Variants in BST1 observed in about 807,000 individuals in gnomAD.
BST1 encodes ADP-ribosyl cyclase/cyclic ADP-ribose hydrolase 2.
BST1 carries 49 observed loss-of-function variants against 40.6 expected under a neutral mutation model. That is an observed-to-expected ratio of 1.21 (90% CI 0.96 to 1.53). BST1 has a LOEUF of 1.53. BST1 is among the 40% of genes most tolerant of loss of function. The pLI, the probability that BST1 is intolerant of heterozygous loss-of-function variation, is 0.00. For synonymous variants in BST1, 157 were observed against 159.3 expected (o/e 0.99, Z 0.11); for missense variants, 423 against 395.9 (o/e 1.07, Z -0.58).
chr4:15,718,906 G>C lies in BST1; in HGVS notation c.705-1G>C. 1 of 1,613,382 alleles carries C rather than the reference G, an allele frequency of 6.2e-7. No homozygotes were observed. Among genetic ancestry groups the C allele is most frequent in the African/African-American group, 1.3e-5 (1 of 74,980 alleles). On this transcript the variant is annotated splice_acceptor_variant, in intron 6 of 8. Coordinates refer to ENST00000265016, the MANE Select transcript of BST1 (RefSeq NM_004334.3). LOFTEE classifies it high-confidence loss of function. ...TTTAATTATATATTTTCATGTTTTA[G>C]GGAATCCTGCGGGGAAGGCAGCATG...
chr4:15,739,571 G>GTGTA (rs1414492943), downstream of BST1, among the ~76,000 whole-genome samples: 1 of 147,602 alleles, frequency 6.8e-6, no homozygotes, highest in Non-Finnish European at 1.5e-5. Flanking sequence ...GTGTGTGTGT[G>GTGTA]TGTGTGTGTG....
At chr4:15,767,085 C>T in the BST1 span, among the ~76,000 whole-genome samples, 2 of 151,740 alleles carry the variant, frequency 1.3e-5, no homozygotes, top group Middle Eastern at 3.2e-3. Context: ...CCTCCAAAGC[C>T]AGAGCCGAAG....
At chr4:15,716,987 G>C (rs1164816968) in intron 6 of BST1, among the ~76,000 whole-genome samples, 3 of 152,012 alleles carry the variant, frequency 2.0e-5, no homozygotes, top group Admixed American at 1.3e-4. Context: ...ATGTTGGCCA[G>C]GCTGGTCTTG....
chr4:15,756,206 G>T, the BST1 span, among the ~76,000 whole-genome samples: 3 of 152,242 alleles, frequency 2.0e-5, no homozygotes, highest in African/African-American at 4.8e-5. Flanking sequence ...TGCAGGGTGG[G>T]TTGGGGGAAG....
the BST1 span, among the ~76,000 whole-genome samples, chr4:15,756,150 A>C: frequency 1.3e-5 from 2 of 152,228 alleles, no homozygotes; most frequent in African/African-American, 4.8e-5. Context: ...AAACAACAAC[A>C]AAACAAGGGG....
the BST1 span, among the ~76,000 whole-genome samples, chr4:15,768,174 A>ATGC: frequency 1.3e-5 from 2 of 152,226 alleles, no homozygotes; most frequent in Non-Finnish European, 2.9e-5. Flanking sequence ...TGCCACTGAG[A>ATGC]TGCTGCCCCT....
At chr4:15,720,795 TAAAAC>T (rs1720768763) in intron 7 of BST1, among the ~76,000 whole-genome samples, 1 of 151,768 alleles carries the variant, frequency 6.6e-6, no homozygotes, top group Non-Finnish European at 1.5e-5. Context: ...GGTCTCAAAA[TAAAAC>T]AAAGTAAACC....
At chr4:15,720,331 A>G (rs1720741481) in intron 7 of BST1, among the ~76,000 whole-genome samples, 1 of 152,056 alleles carries the variant, frequency 6.6e-6, no homozygotes, top group South Asian at 2.1e-4. Context: ...AAAACATTCA[A>G]TTCTTGGCCG....
exon 7 of BST1, chr4:15,737,922 T>A: frequency 1.4e-6 from 1 of 719,548 alleles, no homozygotes; most frequent in Non-Finnish European, 2.1e-6. Context: ...CATGCCTGCC[T>A]AGTCCAGCTC....
In BST1 at chr4:15,707,636, A is replaced by T; in HGVS notation, c.441A>T (p.Lys147Asn). The change falls in exon 3 of 9, where the codon AAA (lysine) becomes AAT (asparagine). Residue 147 changes from lysine (K) to asparagine (N), a missense_variant. Lys to Asn is a moderately conservative substitution (Grantham distance 94, BLOSUM62 0). Coordinates refer to ENST00000265016, the MANE Select transcript of BST1 (RefSeq NM_004334.3). ...VADFLSWCRQ[K>N]NDSGLDYQSC... ...ATTTCTTGAGCTGGTGTCGACAGAAAAATGACTCTGGTAAGACTCCTGCAC... is the reference window on the plus strand; with the variant it reads ...ATTTCTTGAGCTGGTGTCGACAGAATAATGACTCTGGTAAGACTCCTGCAC... The T allele has an allele frequency of 6.2e-7, 1 of 1,614,066 alleles. No homozygotes were observed. The highest frequency in any genetic ancestry group is 1.1e-5 in the South Asian group (1 of 91,076).
intron 2 of BST1, among the ~76,000 whole-genome samples, chr4:15,705,892 C>G (rs983953396): frequency 6.6e-6 from 1 of 152,220 alleles, no homozygotes; most frequent in African/African-American, 2.4e-5. Context: ...TTAACTGGTT[C>G]ACAGTTCCAC....
the BST1 span, among the ~76,000 whole-genome samples, chr4:15,746,735 A>G: frequency 6.6e-6 from 1 of 152,210 alleles, no homozygotes; most frequent in African/African-American, 2.4e-5. Context: ...GGTCACCTTC[A>G]GGGGTGTTTA....
rs532719144 is a variant in BST1 at position 15,715,281 on chromosome 4, G to T, written c.535-4G>T. 1 of 1,613,598 alleles carries T rather than the reference G, an allele frequency of 6.2e-7. No individual in the cohort carries two copies. Among genetic ancestry groups the T allele is most frequent in the South Asian group, 1.1e-5 (1 of 91,030 alleles). ...TTGCTAAAAATACTTGGTTCTTCTC[G>T]TAGTATTCCAAGGATAGTTCTGGGG... On this transcript the variant is annotated splice_polypyrimidine_tract_variant and splice_region_variant and intron_variant, in intron 4 of 8. Coordinates refer to ENST00000265016, the MANE Select transcript of BST1 (RefSeq NM_004334.3).
intron 2 of BST1, among the ~76,000 whole-genome samples, chr4:15,706,384 ACT>A (rs1294519607): frequency 1.3e-5 from 2 of 151,962 alleles, no homozygotes; most frequent in Admixed American, 1.3e-4. Context: ...AATTCAGAAA[ACT>A]CTCAATCTCA....
At chr4:15,753,953 G>T in the BST1 span, among the ~76,000 whole-genome samples, 1 of 152,184 alleles carries the variant, frequency 6.6e-6, no homozygotes, top group Non-Finnish European at 1.5e-5. Flanking sequence ...ACCCTGCAGG[G>T]AGGAAGCCAG....
At chr4:15,747,590 T>G in the BST1 span, among the ~76,000 whole-genome samples, 1 of 152,258 alleles carries the variant, frequency 6.6e-6, no homozygotes, top group Admixed American at 6.5e-5. Flanking sequence ...GCTGTGTTAT[T>G]CTATGTCATT....
chr4:15,736,108 C>T (rs773951388), downstream of BST1: 72 of 1,288,748 alleles, frequency 5.6e-5, no homozygotes, highest in South Asian at 1.2e-4. Context: ...ACCATACAAC[C>T]GCCGGTTCTA....
At chr4:15,715,394 G>T in intron 5 of BST1, 33 bp downstream of exon 5, 1 of 1,591,658 alleles carries the variant, frequency 6.3e-7, no homozygotes, top group Non-Finnish European at 8.6e-7. Context: ...ACACAAGAGA[G>T]AATGCCAAAA....
At chr4:15,711,099 T>A (rs187155461) in intron 3 of BST1, among the ~76,000 whole-genome samples, 4 of 152,348 alleles carry the variant, frequency 2.6e-5, no homozygotes, top group Non-Finnish European at 5.9e-5. Flanking sequence ...CTATTTTATC[T>A]ATTAATCAGT....
Sources: allele counts gnomAD v4.1 joint callset (sites outside exome capture counted in the v4.1 genomes callset), GRCh38; gene constraint gnomAD v4.1.1; transcripts MANE v1.5; gene names NCBI Gene and HGNC (gene_info 2026-07-23, HGNC 2026-07-21).